The following CAMK1D variants were observed in gnomAD, a reference collection of about 807,000 sequenced individuals.
The protein encoded by CAMK1D is calcium/calmodulin dependent protein kinase ID, also known as calcium/calmodulin-dependent protein kinase type 1D.
CAMK1D carries 9 observed loss-of-function variants against 47.7 expected under a neutral mutation model. The observed-to-expected ratio is 0.19, with a 90% CI of 0.11 to 0.33. The LOEUF (loss-of-function observed/expected upper bound fraction) is 0.33. CAMK1D is among the 10% of genes least tolerant of loss of function. The probability of loss-of-function intolerance (pLI) is 1.00; values close to 1 mark genes in which losing one functional copy is unlikely to be tolerated. For missense variants in CAMK1D, 291 were observed against 488.7 expected (o/e 0.60, Z 3.81); for synonymous variants, 184 against 184.9 (o/e 0.99, Z 0.04).
At chr10:12,783,270 G>A (rs990040911) in intron 5 of CAMK1D, among the ~76,000 whole-genome samples, 1 of 152,202 alleles carries the variant, frequency 6.6e-6, no homozygotes, top group African/African-American at 2.4e-5. Flanking sequence ...TGGGATTACA[G>A]GCGTGAGCCA....
In CAMK1D at chr10:12,828,905, G is replaced by C. The variant is rs781514335; in HGVS notation, c.*18G>C. On this transcript the variant is annotated 3_prime_UTR_variant, in exon 11 of 11. Transcript: ENST00000619168. Reference sequence around the variant, plus strand: ...GCAAGTGACTGGCCCTGGAGGTGGGGCCCGGGGTCGGGGCTGGGGAAGGGG... The same window carrying C: ...GCAAGTGACTGGCCCTGGAGGTGGGCCCCGGGGTCGGGGCTGGGGAAGGGG... The C allele has an allele frequency of 4.4e-6, 7 of 1,574,454 alleles. No individual in the cohort carries two copies. In the African/African-American group the frequency reaches 5.4e-5, roughly 12 times the overall value.
intron 4 of CAMK1D, among the ~76,000 whole-genome samples, chr10:12,761,556 G>A (rs1836509011): frequency 6.6e-6 from 1 of 152,124 alleles, no homozygotes; most frequent in South Asian, 2.1e-4. Flanking sequence ...AGATATAGAA[G>A]AGGGAGAAGA....
intron 1 of CAMK1D, among the ~76,000 whole-genome samples, chr10:12,502,027 C>T (rs1184649398): frequency 6.6e-6 from 1 of 152,072 alleles, no homozygotes; most frequent in Non-Finnish European, 1.5e-5. Context: ...GAGGCAGCTG[C>T]AGGGAGGGCA....
rs1456669058 is a variant in CAMK1D at position 12,459,279 on chromosome 10, T to C, written c.93-93946T>C. 5.3e-5 allele frequency among the ~76,000 whole-genome samples: 8 copies of C among 152,346 alleles called. No individual in the cohort carries two copies. The East Asian group carries it at 9.6e-4, about 18-fold the overall frequency. On this transcript the variant is annotated intron_variant, in intron 1 of 10. Transcript: ENST00000619168. The stretch of plus-strand genomic sequence containing the variant: ...ACTGTGCCCCAGCCCACTACTGTGT[T>C]GGTGGAAAACTAGAATTTAGTTGAA...
At chr10:12,472,113 C>G (rs1044646392) in intron 1 of CAMK1D, among the ~76,000 whole-genome samples, 1 of 151,982 alleles carries the variant, frequency 6.6e-6, no homozygotes, top group African/African-American at 2.4e-5. Context: ...CCTGTTTAAT[C>G]TGAGATGCGT....
chr10:12,751,664 G>A (rs1835992543), intron 3 of CAMK1D, among the ~76,000 whole-genome samples: 1 of 152,326 alleles, frequency 6.6e-6, no homozygotes, highest in South Asian at 2.1e-4. Context: ...GTCTCATCTG[G>A]TCTAGGGGTC....
intron 3 of CAMK1D, among the ~76,000 whole-genome samples, chr10:12,699,840 T>C (rs1295130523): frequency 1.3e-5 from 2 of 152,176 alleles, no homozygotes; most frequent in East Asian, 3.8e-4. Flanking sequence ...CACACAAGTG[T>C]CACCATAAAT....
chr10:12,571,474 A>T (rs1383422026), intron 2 of CAMK1D, among the ~76,000 whole-genome samples: 1 of 147,646 alleles, frequency 6.8e-6, no homozygotes, highest in Non-Finnish European at 1.5e-5. Flanking sequence ...AAAAAAAAGA[A>T]AAAAAAGAAA....
chr10:12,734,563 CAT>C (rs1417082166), intron 3 of CAMK1D, among the ~76,000 whole-genome samples: 2 of 146,260 alleles, frequency 1.4e-5, no homozygotes, highest in Admixed American at 6.8e-5. Flanking sequence ...TATATATACA[CAT>C]ATGTGTATAT....
chr10:12,512,523 C>T (rs1045144542), intron 1 of CAMK1D, among the ~76,000 whole-genome samples: 5 of 152,104 alleles, frequency 3.3e-5, no homozygotes, highest in Admixed American at 6.6e-5. Flanking sequence ...AGCAGCTGCC[C>T]GTTGGGAGAC....
At chr10:12,483,660 G>A (rs1289514231) in intron 1 of CAMK1D, among the ~76,000 whole-genome samples, 1 of 151,210 alleles carries the variant, frequency 6.6e-6, no homozygotes, top group Non-Finnish European at 1.5e-5. Flanking sequence ...CATCACACCT[G>A]GCCTCTAAAA....
At chr10:12,768,651 A>T (rs1430973183) in intron 4 of CAMK1D, among the ~76,000 whole-genome samples, 1 of 152,022 alleles carries the variant, frequency 6.6e-6, no homozygotes, top group African/African-American at 2.4e-5. Context: ...TCCCCCCGTG[A>T]TAAATCGTCA....
intron 4 of CAMK1D, among the ~76,000 whole-genome samples, chr10:12,767,292 C>T (rs1156289398): frequency 1.3e-5 from 2 of 152,146 alleles, no homozygotes; most frequent in Non-Finnish European, 2.9e-5. Flanking sequence ...ATTCTCCTGC[C>T]TCAGCCTCCT....
At chr10:12,666,988 G>A (rs575187464) in intron 3 of CAMK1D, 178 bp downstream of exon 3, 41 of 594,942 alleles carry the variant, frequency 6.9e-5, no homozygotes, top group Non-Finnish European at 9.9e-5. Context: ...GCACACAGGC[G>A]TCTACAGGCC....
At chr10:12,793,794 G>A (rs568852685) in intron 6 of CAMK1D, among the ~76,000 whole-genome samples, 18 of 152,366 alleles carry the variant, frequency 1.2e-4, no homozygotes, top group Admixed American at 1.2e-3. Flanking sequence ...AGTTCTTCTA[G>A]TGAAGAAGGA....
At chr10:12,694,337 T>A (rs1305810566) in intron 3 of CAMK1D, among the ~76,000 whole-genome samples, 1 of 87,108 alleles carries the variant, frequency 1.1e-5, no homozygotes, top group Non-Finnish European at 2.0e-5. Context: ...AAAGTATATA[T>A]AATATATAAC....
At chr10:12,827,334 T>TCTTCCTTCTTTC (rs1833262333) in intron 10 of CAMK1D, among the ~76,000 whole-genome samples, 1 of 122,670 alleles carries the variant, frequency 8.2e-6, no homozygotes, top group East Asian at 2.4e-4. Flanking sequence ...CTCTCTCTTC[T>TCTTCCTTCTTTC]CTTCCTTCCT....
rs187757005 is a variant in CAMK1D at position 12,371,194 on chromosome 10, C to T, written c.92+21284C>T. Among the ~76,000 whole-genome samples the T allele has an allele frequency of 7.0e-3, 1,067 of 152,226 alleles. 9 individuals are homozygous for T. The highest frequency in any genetic ancestry group is 0.011 in the Non-Finnish European group (752 of 68,010). Reference sequence around the variant, plus strand: ...GGCCTTCTCATTCACTCACCACTCACTCACTCACTCACTCACTCACCCAGG... The same window carrying T: ...GGCCTTCTCATTCACTCACCACTCATTCACTCACTCACTCACTCACCCAGG... On this transcript the variant is annotated intron_variant, in intron 1 of 10. Transcript: ENST00000619168.
At chr10:12,746,102 C>T (rs1323807424) in intron 3 of CAMK1D, among the ~76,000 whole-genome samples, 3 of 152,052 alleles carry the variant, frequency 2.0e-5, no homozygotes, top group Non-Finnish European at 2.9e-5. Flanking sequence ...GCCGGTGATG[C>T]CTGTAGAGCT....
Sources: gnomAD v4.1 joint callset for allele counts (sites outside exome capture counted in the v4.1 genomes callset) on GRCh38, gnomAD v4.1.1 for gene constraint, MANE v1.5 for transcripts, NCBI Gene and HGNC (gene_info 2026-07-23, HGNC 2026-07-21) for gene names.